The following CENPP variants were observed in gnomAD, a reference collection of about 807,000 sequenced individuals.
CENPP encodes centromere protein P.
Under a neutral mutation model 35.6 loss-of-function variants are expected in CENPP, and 24 were observed. That is an observed-to-expected ratio of 0.67 (90% CI 0.49 to 0.95). The LOEUF is 0.95. Ranked by LOEUF, CENPP falls within the 40% of genes least tolerant of loss-of-function variation. The pLI is 0.00. For synonymous variants in CENPP, 120 were observed against 125.5 expected, an observed-to-expected ratio of 0.96 and a Z score of 0.29; for missense variants, 332 against 345.3, an observed-to-expected ratio of 0.96 and a Z score of 0.31.
At chr9:92,533,415 T>A (rs1848981698) in intron 5 of CENPP, among the ~76,000 whole-genome samples, 2 of 146,790 alleles carry the variant, frequency 1.4e-5, no homozygotes, top group South Asian at 4.5e-4. Flanking sequence ...GCCTCCATTT[T>A]GTTTGTTTGT....
chr9:92,327,011 G>A (rs1477526232), intron 1 of CENPP, among the ~76,000 whole-genome samples: 1 of 152,200 alleles, frequency 6.6e-6, no homozygotes, highest in Non-Finnish European at 1.5e-5. Context: ...AAAAAGGTGT[G>A]CTCCTCCACA....
intron 5 of CENPP, chr9:92,516,813 A>C (rs1290932869): frequency 6.6e-6 from 1 of 152,216 alleles, no homozygotes; most frequent in African/African-American, 2.4e-5. Context: ...TTGGTAGTAT[A>C]ACGCAAAACA....
chr9:92,371,800 A>G (rs936330412), intron 4 of CENPP, among the ~76,000 whole-genome samples: 1 of 150,510 alleles, frequency 6.6e-6, no homozygotes, highest in Non-Finnish European at 1.5e-5. Flanking sequence ...GTGTATATAT[A>G]TATTTAGAAT....
chr9:92,612,502 CAT>C lies in CENPP; in HGVS notation c.645-20_645-19del. On this transcript the variant is annotated intron_variant, in intron 6 of 7. Transcript: ENST00000375587. ...CCAGATTTCAAAAAGCACATAACGA[CAT>C]GTTTTACTGCTTTTTCAGGTTTGAA... 6.4e-7 allele frequency: 1 copy of C among 1,573,824 alleles called. No individual in the cohort carries two copies. Among genetic ancestry groups the C allele is most frequent in the Non-Finnish European group, 8.7e-7 (1 of 1,143,242 alleles).
intron 5 of CENPP, among the ~76,000 whole-genome samples, chr9:92,577,798 A>G (rs1018170095): frequency 4.0e-5 from 6 of 151,570 alleles, no homozygotes; most frequent in Non-Finnish European, 5.9e-5. Context: ...TTATTTATTT[A>G]TTTATTTATT....
intron 5 of CENPP, among the ~76,000 whole-genome samples, chr9:92,429,584 CCAGACTA>C (rs796757217): frequency 5.9e-5 from 9 of 152,190 alleles, no homozygotes; most frequent in African/African-American, 2.2e-4. Context: ...GTCAGGAGTT[CCAGACTA>C]GTCTGGCCAA....
chr9:92,602,502 G>A (rs1438410053), intron 5 of CENPP, among the ~76,000 whole-genome samples: 9 of 152,206 alleles, frequency 5.9e-5, no homozygotes, highest in Non-Finnish European at 8.8e-5. Context: ...GATATGCAGC[G>A]TTAGGCCCAG....
intron 5 of CENPP, among the ~76,000 whole-genome samples, chr9:92,464,242 G>T (rs1007258861): frequency 2.0e-5 from 3 of 152,186 alleles, no homozygotes; most frequent in Non-Finnish European, 4.4e-5. Context: ...GGAAGTAATG[G>T]GTTAGAACAC....
chr9:92,473,141 C>T (rs1192095728), intron 5 of CENPP, among the ~76,000 whole-genome samples: 2 of 152,136 alleles, frequency 1.3e-5, no homozygotes, highest in African/African-American at 4.8e-5. Context: ...ATGGGAACAC[C>T]AGCTTCCTGC....
chr9:92,472,368 T>C (rs1223498968), intron 5 of CENPP, among the ~76,000 whole-genome samples: 1 of 130,216 alleles, frequency 7.7e-6, no homozygotes, highest in Non-Finnish European at 1.6e-5. Flanking sequence ...AAAATAAAAA[T>C]AAAAAAATAG....
At chr9:92,602,761 G>A (rs979225052) in intron 5 of CENPP, among the ~76,000 whole-genome samples, 4 of 152,102 alleles carry the variant, frequency 2.6e-5, no homozygotes, top group African/African-American at 7.2e-5. Flanking sequence ...GGTGACAGGC[G>A]GTGTGAACAG....
At chr9:92,442,765 C>T (rs949380554) in intron 5 of CENPP, among the ~76,000 whole-genome samples, 1 of 149,408 alleles carries the variant, frequency 6.7e-6, no homozygotes, top group Non-Finnish European at 1.5e-5. Flanking sequence ...AGGAGAATGG[C>T]GTGAACCCGG....
At chr9:92,464,608 T>C in intron 5 of CENPP, 1 of 485,874 alleles carries the variant, frequency 2.1e-6, no homozygotes, top group Non-Finnish European at 4.0e-6. Flanking sequence ...TATAGAATTC[T>C]CTACCTCTAA....
At chr9:92,553,819 A>C (rs758867298) in intron 5 of CENPP, among the ~76,000 whole-genome samples, 7 of 152,134 alleles carry the variant, frequency 4.6e-5, no homozygotes, top group South Asian at 4.1e-4. Flanking sequence ...TTTCTGGAGG[A>C]GTCCTTAGGG....
At chr9:92,443,424 G>A (rs1160240193) in intron 5 of CENPP, among the ~76,000 whole-genome samples, 3 of 152,090 alleles carry the variant, frequency 2.0e-5, no homozygotes, top group Admixed American at 6.6e-5. Flanking sequence ...ACAAAACAAT[G>A]CCAAGAAGGA....
chr9:92,499,194 A>C (rs1400874604), intron 5 of CENPP, among the ~76,000 whole-genome samples: 2 of 152,254 alleles, frequency 1.3e-5, no homozygotes. Flanking sequence ...AACTGCTTAC[A>C]TGAAAGCCTA....
At chr9:92,411,018 A>G (rs567784466) in intron 5 of CENPP, among the ~76,000 whole-genome samples, 2 of 152,104 alleles carry the variant, frequency 1.3e-5, no homozygotes, top group African/African-American at 4.8e-5. Flanking sequence ...TCTGTCTCCC[A>G]GGCTGGAGTG....
intron 5 of CENPP, among the ~76,000 whole-genome samples, chr9:92,567,391 T>TATATAG (rs1554688296): frequency 1.3e-4 from 13 of 98,378 alleles, no homozygotes; most frequent in East Asian, 1.3e-3. Flanking sequence ...TATATATATA[T>TATATAG]ATATAGATAT....
At chr9:92,496,543 T>G in intron 5 of CENPP, 1 of 1,558,130 alleles carries the variant, frequency 6.4e-7, no homozygotes, top group Non-Finnish European at 8.6e-7. Context: ...CCTTTAGGAG[T>G]TAAGTTTAAC....
Sources: allele counts gnomAD v4.1 joint callset (sites outside exome capture counted in the v4.1 genomes callset), GRCh38; gene constraint gnomAD v4.1.1; transcripts MANE v1.5; gene names NCBI Gene and HGNC (gene_info 2026-07-23, HGNC 2026-07-21).